HPSE2: variants seen among roughly 807,000 people sequenced by gnomAD.
HPSE2 encodes the protein heparanase 2 (inactive).
A neutral mutation model predicts 60.5 loss-of-function variants in HPSE2; 38 were observed. That is an observed-to-expected ratio of 0.63 (90% confidence interval 0.48 to 0.82). HPSE2 has a LOEUF of 0.82. Ranked by LOEUF, HPSE2 falls within the 40% of genes least tolerant of loss-of-function variation. The pLI, the probability that HPSE2 is intolerant of heterozygous loss-of-function variation, is 0.00. For missense variants in HPSE2, 713 were observed against 740.4 expected (o/e 0.96, Z 0.43); for synonymous variants, 295 against 293.2 (o/e 1.01, Z -0.06).
intron 9 of HPSE2, among the ~76,000 whole-genome samples, chr10:98,589,633 C>T (rs1945033460): frequency 6.6e-6 from 1 of 152,194 alleles, no homozygotes; most frequent in Non-Finnish European, 1.5e-5. Flanking sequence ...CTTTGTCTCC[C>T]CTGTGAGCTT....
At chr10:98,776,175 G>T (rs754112325) in intron 3 of HPSE2, among the ~76,000 whole-genome samples, 3 of 151,836 alleles carry the variant, frequency 2.0e-5, no homozygotes, top group Non-Finnish European at 4.4e-5. Context: ...GCCCACGCCT[G>T]TAATCCCAGC....
chr10:99,174,334 AT>A (rs1386810584), intron 2 of HPSE2, among the ~76,000 whole-genome samples: 1 of 152,180 alleles, frequency 6.6e-6, no homozygotes, highest in Non-Finnish European at 1.5e-5. Context: ...AAATTTTGTC[AT>A]ATTTCTCCAA....
In HPSE2 at chr10:98,632,667, G is replaced by C. The variant is rs558969925; in HGVS notation, c.1098+9180C>G. On this transcript the variant is annotated intron_variant, in intron 7 of 11. Transcript: ENST00000370552. ...GCTAATTTACCGAGAAGTTCATGGA[G>C]CTTAAATTTCCAGCTCCCTGCTTTC... 8.5e-5 allele frequency among the ~76,000 whole-genome samples: 13 copies of C among 152,238 alleles called. No individual in the cohort carries two copies. The South Asian group carries it at 2.7e-3, about 32-fold the overall frequency.
chr10:99,006,016 C>T (rs1956883758), intron 3 of HPSE2, among the ~76,000 whole-genome samples: 1 of 152,150 alleles, frequency 6.6e-6, no homozygotes, highest in Non-Finnish European at 1.5e-5. Context: ...ATTGGTTCCT[C>T]AGGAGGAGAC....
intron 3 of HPSE2, among the ~76,000 whole-genome samples, chr10:98,923,863 C>G (rs1954363699): frequency 1.3e-5 from 2 of 152,208 alleles, no homozygotes; most frequent in Non-Finnish European, 1.5e-5. Flanking sequence ...AATTCTCTGT[C>G]TGAAACGTCA....
At chr10:99,137,620 C>T (rs1192193103) in intron 3 of HPSE2, among the ~76,000 whole-genome samples, 1 of 152,158 alleles carries the variant, frequency 6.6e-6, no homozygotes, top group African/African-American at 2.4e-5. Context: ...CTTTAACAAA[C>T]CTGACACAAA....
chr10:98,893,928 G>A (rs1953410223), intron 3 of HPSE2, among the ~76,000 whole-genome samples: 1 of 150,020 alleles, frequency 6.7e-6, no homozygotes. Context: ...AGGCAGTAAA[G>A]AAAAAAAAAT....
rs1210781691 is a variant in HPSE2 at position 99,057,115 on chromosome 10, TG to T, written c.610+87122del. On this transcript the variant is annotated intron_variant, in intron 3 of 11. Transcript: ENST00000370552. Reference sequence around the variant, plus strand: ...TGATGAAAATGTTCTAGATCTTGACTGAGGTGGTGGTTACATAGGTGTATAA... The same window carrying T: ...TGATGAAAATGTTCTAGATCTTGACTAGGTGGTGGTTACATAGGTGTATAA... 2.0e-5 allele frequency among the ~76,000 whole-genome samples: 3 copies of T among 152,172 alleles called. No individual in the cohort carries two copies. The East Asian group carries it at 5.8e-4, about 29-fold the overall frequency.
At chr10:99,041,509 G>A (rs11599056) in intron 3 of HPSE2, among the ~76,000 whole-genome samples, 5,191 of 152,218 alleles carry the variant, frequency 0.034, 118 homozygotes, top group South Asian at 0.053. Flanking sequence ...AACACAGAGA[G>A]CTGCCTGGAG....
intron 3 of HPSE2, among the ~76,000 whole-genome samples, chr10:98,759,144 T>C (rs893502409): frequency 1.3e-5 from 2 of 151,466 alleles, no homozygotes; most frequent in African/African-American, 2.4e-5. Context: ...TGAGTATACA[T>C]GGACACAAAG....
At chr10:98,639,160 G>A (rs540556) in intron 7 of HPSE2, among the ~76,000 whole-genome samples, 21,447 of 152,126 alleles carry the variant, frequency 0.14, 1,953 homozygotes, top group East Asian at 0.23. Context: ...TGTCAGAGAC[G>A]GGAGTGAACA....
chr10:98,692,610 A>C (rs971251103), intron 6 of HPSE2, among the ~76,000 whole-genome samples: 131 of 152,246 alleles, frequency 8.6e-4, no homozygotes, highest in Non-Finnish European at 1.5e-4. Flanking sequence ...CTACTAAAAA[A>C]TACAAAAAAT....
At chr10:98,909,829 A>G (rs931557483) in intron 3 of HPSE2, among the ~76,000 whole-genome samples, 1 of 152,144 alleles carries the variant, frequency 6.6e-6, no homozygotes, top group African/African-American at 2.4e-5. Flanking sequence ...ATTCACACAC[A>G]TAAAAGTTTA....
At position 99,117,987 on chromosome 10, in the gene HPSE2, G is replaced by A. The variant is rs146455353; in HGVS notation, c.610+26251C>T. On this transcript the variant is annotated intron_variant, in intron 3 of 11. Transcript: ENST00000370552. The stretch of plus-strand genomic sequence containing the variant: ...ATCCTAAGCAAAATACTGGTAAACT[G>A]AATCCAGCAGCATATCAAAAATCTT... Among the ~76,000 whole-genome samples the A allele has an allele frequency of 1.7e-3, 253 of 152,180 alleles. 1 individual carries two copies. Among genetic ancestry groups the A allele is most frequent in the Non-Finnish European group, 3.1e-3 (212 of 67,992 alleles).
chr10:98,802,601 G>A (rs1030881002), intron 3 of HPSE2, among the ~76,000 whole-genome samples: 30 of 151,292 alleles, frequency 2.0e-4, no homozygotes, highest in African/African-American at 7.0e-4. Context: ...ATAGTTTACT[G>A]AGAATGATGA....
chr10:99,063,628 T>A (rs1055848800), intron 3 of HPSE2, among the ~76,000 whole-genome samples: 1 of 152,098 alleles, frequency 6.6e-6, no homozygotes, highest in Non-Finnish European at 1.5e-5. Flanking sequence ...AGAAATATTA[T>A]CACAAGTTCA....
chr10:99,085,739 G>GT lies in HPSE2; in HGVS notation c.610+58498dup, dbSNP rs375334330. 2.6e-5 allele frequency among the ~76,000 whole-genome samples: 4 copies of GT among 152,316 alleles called. No individual in the cohort carries two copies. The East Asian group carries it at 7.7e-4, about 29-fold the overall frequency. ...TATGGACTGAGATTAGACAAAAACA[G>GT]TAAGAAATGTGTACTTTCAGGGCAA... On this transcript the variant is annotated intron_variant, in intron 3 of 11. Coordinates refer to ENST00000370552, the MANE Select transcript of HPSE2 (RefSeq NM_021828.5).
At chr10:99,232,294 C>T (rs930580364) in intron 2 of HPSE2, 54 bp downstream of exon 2, 4 of 1,535,180 alleles carry the variant, frequency 2.6e-6, no homozygotes, top group Non-Finnish European at 3.5e-6. Context: ...TACACAAACA[C>T]AGCGGGTGCT....
At chr10:98,491,213 T>C (rs1941632281) in intron 9 of HPSE2, among the ~76,000 whole-genome samples, 1 of 152,184 alleles carries the variant, frequency 6.6e-6, no homozygotes, top group South Asian at 2.1e-4. Flanking sequence ...ATAATCTTTT[T>C]TTTTTTTCTT....
Sources: gnomAD v4.1 joint callset for allele counts (sites outside exome capture counted in the v4.1 genomes callset) on GRCh38, gnomAD v4.1.1 for gene constraint, MANE v1.5 for transcripts, NCBI Gene and HGNC (gene_info 2026-07-23, HGNC 2026-07-21) for gene names.